The following TRPM1 variants were observed in gnomAD, a reference collection of about 807,000 sequenced individuals.
TRPM1 encodes transient receptor potential cation channel subfamily M member 1, also known as TRPM1-203 APA Isoform, Intron 10.
A neutral mutation model predicts 149.4 loss-of-function variants in TRPM1; 113 were observed. The ratio of observed to expected loss-of-function variants is 0.76; its 90% CI spans 0.65 to 0.88. The LOEUF is 0.88. Ranked by LOEUF, TRPM1 falls within the 40% of genes least tolerant of loss-of-function variation. The probability of loss-of-function intolerance (pLI) is 0.00; values close to 1 mark genes in which losing one functional copy is unlikely to be tolerated. For missense variants in TRPM1, 1,976 were observed against 2,038.7 expected (o/e 0.97, Z 0.59); for synonymous variants, 741 against 759.5 (o/e 0.98, Z 0.40).
chr15:31,016,647 C>T (rs1354349857), intron 27 of TRPM1, among the ~76,000 whole-genome samples: 1 of 152,158 alleles, frequency 6.6e-6, no homozygotes, highest in East Asian at 1.9e-4. Flanking sequence ...ACTCTCCATC[C>T]TTTTGTATCA....
At chr15:31,102,357 G>A (rs753841702), upstream of TRPM1, among the ~76,000 whole-genome samples, 2 of 152,190 alleles carry the variant, frequency 1.3e-5, no homozygotes, top group Admixed American at 6.5e-5. Flanking sequence ...CTTTCCATGA[G>A]CTTTCTCAGC....
intron 1 of TRPM1, among the ~76,000 whole-genome samples, chr15:31,113,668 C>T (rs117323796): frequency 1.3e-5 from 2 of 152,296 alleles, no homozygotes; most frequent in East Asian, 3.9e-4. Flanking sequence ...TGCCCTCCAT[C>T]ACCCACGTTT....
intron 1 of TRPM1, among the ~76,000 whole-genome samples, chr15:31,128,268 T>C (rs1223688344): frequency 6.6e-6 from 1 of 152,184 alleles, no homozygotes; most frequent in African/African-American, 2.4e-5. Context: ...TTAATGACTG[T>C]GGGGTGAGAA....
intron 27 of TRPM1, among the ~76,000 whole-genome samples, chr15:31,006,740 A>G (rs920142801): frequency 7.9e-5 from 12 of 152,338 alleles, no homozygotes; most frequent in African/African-American, 2.6e-4. Context: ...TCCTACTAGC[A>G]GTGTATGCAA....
At chr15:31,032,083 G>A (rs931624915) in intron 22 of TRPM1, among the ~76,000 whole-genome samples, 7 of 141,188 alleles carry the variant, frequency 5.0e-5, no homozygotes, top group African/African-American at 1.9e-4. Flanking sequence ...TCAAATCCAT[G>A]TCCCTGTACT....
chr15:31,059,406 TTTTTG>T (rs1232915748), intron 11 of TRPM1, among the ~76,000 whole-genome samples: 6 of 152,218 alleles, frequency 3.9e-5, no homozygotes, highest in Admixed American at 6.5e-5. Context: ...TTTGCATTGT[TTTTTG>T]TTTTATGTTT....
chr15:31,066,350 T>G, intron 6 of TRPM1, 103 bp from the exon 7 acceptor site: 1 of 1,270,376 alleles, frequency 7.9e-7, no homozygotes, highest in East Asian at 2.4e-5. Context: ...GCACTAAAAC[T>G]TATTCTCACA....
At chr15:31,004,840 A>C (rs929773837) in intron 27 of TRPM1, among the ~76,000 whole-genome samples, 1 of 152,028 alleles carries the variant, frequency 6.6e-6, no homozygotes, top group Non-Finnish European at 1.5e-5. Flanking sequence ...AGTGGCTCAC[A>C]CCTGTAATCC....
chr15:31,086,679 G>T (rs1229282323), intron 1 of TRPM1, among the ~76,000 whole-genome samples: 1 of 152,162 alleles, frequency 6.6e-6, no homozygotes, highest in African/African-American at 2.4e-5. Flanking sequence ...GGTGGAACCT[G>T]GCCCAGAAAC....
chr15:31,101,853 G>C (rs2035524403), upstream of TRPM1: 1 of 374,766 alleles, frequency 2.7e-6, no homozygotes, highest in Non-Finnish European at 3.7e-6. Context: ...GGCCAGAAAA[G>C]GAAGCCAGGG....
rs1425189365 is a variant in TRPM1, at chr15:31,049,414, G to C, written c.1533C>G (p.His511Gln). The change falls in exon 13 of 28, where the codon CAC becomes CAG. Residue 511 changes from histidine (H) to glutamine (Q), a missense_variant. This residue lies in a region of TRPM1 where 1,332 missense variants were observed against 1,347.1 expected (regional missense o/e 0.99). Coordinates refer to ENST00000256552, the MANE Select transcript of TRPM1 (RefSeq NM_001252024.2). The part of the protein sequence containing the change: ...LLIENGVNMQ[H>Q]FLTIPRLEEL... The stretch of plus-strand genomic sequence containing the variant: ...CCTCCAGCCTCGGAATGGTCAGAAA[G>C]TGTTGCATGTTCACTCCGTTTTCAA... 1.9e-6 allele frequency: 3 copies of C among 1,614,094 alleles called. No homozygotes were observed. In the African/African-American group the frequency reaches 4.0e-5, roughly 22 times the overall value.
Position 31,046,314 on chromosome 15 carries a change from G to C in TRPM1, c.1765-81C>G. ...TAGTACATTAGCAGTATTGTTGATA[G>C]TGGACATACGAATGGATTAAAAAGC... On this transcript the variant is annotated intron_variant, in intron 15 of 27. Coordinates refer to ENST00000256552, the MANE Select transcript of TRPM1 (RefSeq NM_001252024.2). 4 of 1,340,752 alleles carry C rather than the reference G, an allele frequency of 3.0e-6. No individual in the cohort carries two copies. The African/African-American group carries it at 6.0e-5, about 20-fold the overall frequency. The allele number at this position is 1,340,752 out of a possible 1,614,324, so 83.1% of individuals were successfully genotyped here. A position where few individuals can be genotyped will look rare whatever the true frequency, so the allele number is the denominator to read the frequency against.
At chr15:31,155,936 C>T (rs943146409) in intron 1 of TRPM1, among the ~76,000 whole-genome samples, 2 of 152,082 alleles carry the variant, frequency 1.3e-5, no homozygotes, top group Non-Finnish European at 2.9e-5. Flanking sequence ...GTGGCTCACA[C>T]CTGTAATCCC....
intron 3 of TRPM1, among the ~76,000 whole-genome samples, chr15:31,073,050 A>G (rs948862238): frequency 5.9e-5 from 9 of 152,158 alleles, no homozygotes; most frequent in Middle Eastern, 3.4e-3. Flanking sequence ...TTTGTTGTCC[A>G]TGTTTTTGGT....
At chr15:31,047,341 C>G in intron 14 of TRPM1, 90 bp from the exon 15 acceptor site, 1 of 1,480,758 alleles carries the variant, frequency 6.8e-7, no homozygotes, top group Non-Finnish European at 9.4e-7. Context: ...GCTGTCCTGG[C>G]CCCCACTTGG....
At chr15:31,033,410 G>C (rs1321323924) in intron 21 of TRPM1, among the ~76,000 whole-genome samples, 1 of 152,218 alleles carries the variant, frequency 6.6e-6, no homozygotes, top group African/African-American at 2.4e-5. Flanking sequence ...GAAATTAGGG[G>C]AAAGTTAGAC....
chr15:31,075,590 G>C (rs1567036715), intron 3 of TRPM1, among the ~76,000 whole-genome samples: 1 of 152,176 alleles, frequency 6.6e-6, no homozygotes, highest in Non-Finnish European at 1.5e-5. Context: ...TCAGCAACAG[G>C]TGGTAAGGGA....
chr15:31,160,508 A>C (rs994543113), intron 1 of TRPM1, among the ~76,000 whole-genome samples: 10 of 152,070 alleles, frequency 6.6e-5, no homozygotes, highest in African/African-American at 2.2e-4. Flanking sequence ...CCACACAAAC[A>C]TCTGATGCAG....
At chr15:31,113,848 G>T (rs139402257) in intron 1 of TRPM1, among the ~76,000 whole-genome samples, 2 of 152,154 alleles carry the variant, frequency 1.3e-5, no homozygotes, top group African/African-American at 4.8e-5. Context: ...GCAAAACAAC[G>T]ACGCTCCCAC....
Sources: allele counts gnomAD v4.1 joint callset (sites outside exome capture counted in the v4.1 genomes callset), GRCh38; gene constraint gnomAD v4.1.1; regional missense constraint gnomAD v4.1.1; transcripts MANE v1.5; gene names NCBI Gene and HGNC (gene_info 2026-07-23, HGNC 2026-07-21).